ZNF208: variants seen among roughly 807,000 people sequenced by gnomAD.
ZNF208 encodes the protein zinc finger protein 208.
A neutral mutation model predicts 12.1 loss-of-function variants in ZNF208; 10 were observed. The ratio of observed to expected loss-of-function variants is 0.83; its 90% CI spans 0.51 to 1.40. The LOEUF (loss-of-function observed/expected upper bound fraction) is 1.40. Ranked by LOEUF, ZNF208 falls within the 40% of genes most tolerant of loss-of-function variation. The pLI is 0.00. For synonymous variants in ZNF208, 497 were observed against 488.4 expected (o/e 1.02, Z -0.23); for missense variants, 1,652 against 1,485.0 (o/e 1.11, Z -1.85).
chr19:21,995,517 T>A (rs755884998), intron 1 of ZNF208, among the ~76,000 whole-genome samples: 1 of 152,194 alleles, frequency 6.6e-6, no homozygotes, highest in Non-Finnish European at 1.5e-5. Flanking sequence ...CAGAGATTCA[T>A]AGGTAATTGT....
At chr19:22,006,479 A>G (rs1971045998) in intron 1 of ZNF208, among the ~76,000 whole-genome samples, 1 of 152,136 alleles carries the variant, frequency 6.6e-6, no homozygotes, top group Admixed American at 6.5e-5. Flanking sequence ...GTTTAGGGTT[A>G]GGTTTAGGGT....
At chr19:22,007,505 C>CAAAAAAAAAAAAAAAAAAAAA (rs58769307) in intron 1 of ZNF208, among the ~76,000 whole-genome samples, 1 of 62,556 alleles carries the variant, frequency 1.6e-5, no homozygotes, top group Non-Finnish European at 2.6e-5. Flanking sequence ...ACTCTGTCTC[C>CAAAAAAAAAAAAAAAAAAAAA]AAAAAAAAAA....
At chr19:21,949,063 G>A (rs1969855728) in intron 4 of ZNF208, among the ~76,000 whole-genome samples, 1 of 152,076 alleles carries the variant, frequency 6.6e-6, no homozygotes. Flanking sequence ...AAAATCCCCT[G>A]GCCTTTTTGA....
At position 21,988,872 on chromosome 19, in the gene ZNF208, G is replaced by A; in HGVS notation, c.41C>T (p.Ser14Phe). 3 of 1,614,114 alleles carry A rather than the reference G, an allele frequency of 1.9e-6. No homozygotes were observed. The highest frequency in any genetic ancestry group is 1.1e-5 in the South Asian group (1 of 91,078). ...GTCCAGGCATTGCCACTCCTCCAGAGAGAATTCTATGGCCACATCCCTAAA... is the reference window on the plus strand; with the variant it reads ...GTCCAGGCATTGCCACTCCTCCAGAAAGAATTCTATGGCCACATCCCTAAA... ...LTFRDVAIEF[S>F]LEEWQCLDTA... is the part of the protein sequence containing the mutation. Residue 14 changes from serine to phenylalanine, a missense_variant, in exon 2 of 4, where the codon TCT becomes TTT. Around this residue, in one of 3 missense-constraint regions of ZNF208, gnomAD observed 410 missense variants for 378.2 expected, o/e 1.08. Transcript: ENST00000397126.
Position 21,968,752 on chromosome 19 carries a change from T to TA in ZNF208, c.*2438dup, listed in dbSNP as rs1254699760. ...CCTTGATTTTTTCGAATGCATTCAGTAGGCTTAGGTAAAACTCTTTGCAAT... is the reference window on the plus strand; with the variant it reads ...CCTTGATTTTTTCGAATGCATTCAGTAAGGCTTAGGTAAAACTCTTTGCAAT... On this transcript the variant is annotated 3_prime_UTR_variant, in exon 4 of 4. Transcript: ENST00000397126. Among the ~76,000 whole-genome samples the TA allele has an allele frequency of 1.6e-5, 2 of 124,576 alleles. No homozygotes were observed. Among genetic ancestry groups the TA allele is most frequent in the African/African-American group, 6.7e-5 (2 of 29,974 alleles). 81.7% of individuals were successfully genotyped at this position (124,576 alleles called of 152,430 possible).
rs910632163 is a variant in ZNF208, at chr19:21,972,035, G to C, written c.2999C>G (p.Pro1000Arg). The change falls in exon 4 of 4, where the codon CCC becomes CGC. Residue 1000 changes from proline (P) to arginine (R), a missense_variant. This residue lies in a region of ZNF208 where 1,239 missense variants were observed against 1,086.2 expected (regional missense o/e 1.14). Transcript: ENST00000397126. ...KHKVIHTGEK[P>R]YKCEECGKAF... ...TTTGCCACATTCTTCACATTTGTAGGGTTTCTCTCCAGTATGAATTACCTT... is the reference window on the plus strand; with the variant it reads ...TTTGCCACATTCTTCACATTTGTAGCGTTTCTCTCCAGTATGAATTACCTT... The C allele has an allele frequency of 6.2e-7, 1 of 1,613,628 alleles. No homozygotes were observed. Among genetic ancestry groups the C allele is most frequent in the Non-Finnish European group, 8.5e-7 (1 of 1,179,910 alleles).
intron 1 of ZNF208, among the ~76,000 whole-genome samples, chr19:21,995,525 T>C (rs1368423557): frequency 2.0e-5 from 3 of 152,164 alleles, no homozygotes; most frequent in Non-Finnish European, 2.9e-5. Flanking sequence ...CATAGGTAAT[T>C]GTTAGACGGT....
At chr19:22,004,554 A>T (rs1299808423) in intron 1 of ZNF208, among the ~76,000 whole-genome samples, 17 of 152,148 alleles carry the variant, frequency 1.1e-4, no homozygotes, top group Non-Finnish European at 8.8e-5. Context: ...AACACCATGA[A>T]TTCATGAAAT....
chr19:21,953,933 T>A (rs939591645), intron 4 of ZNF208, among the ~76,000 whole-genome samples: 1 of 152,252 alleles, frequency 6.6e-6, no homozygotes, highest in Non-Finnish European at 1.5e-5. Context: ...TTGTAGCATG[T>A]CAATTTTAGA....
intron 3 of ZNF208, among the ~76,000 whole-genome samples, chr19:21,981,548 G>A (rs1970538888): frequency 7.2e-5 from 11 of 152,164 alleles, no homozygotes; most frequent in Admixed American, 7.2e-4. Flanking sequence ...AGGTATAGAT[G>A]GAACGTATCT....
chr19:21,977,882 T>C (rs1346685153), intron 3 of ZNF208, among the ~76,000 whole-genome samples: 3 of 152,118 alleles, frequency 2.0e-5, no homozygotes, highest in Non-Finnish European at 4.4e-5. Flanking sequence ...CCTGGGAAGC[T>C]CGAGCTTGGT....
intron 4 of ZNF208, chr19:21,941,103 C>G: frequency 2.8e-6 from 1 of 356,576 alleles, no homozygotes; most frequent in Non-Finnish European, 5.0e-6. Context: ...GTAAACCAGG[C>G]CTTGCTGACA....
intron 3 of ZNF208, among the ~76,000 whole-genome samples, chr19:21,975,046 G>GT (rs1467483561): frequency 1.3e-5 from 2 of 152,070 alleles, no homozygotes; most frequent in Non-Finnish European, 2.9e-5. Context: ...TGAATGCAGA[G>GT]TCACACAGAA....
At chr19:21,952,916 C>A (rs1969914504) in intron 4 of ZNF208, among the ~76,000 whole-genome samples, 1 of 151,964 alleles carries the variant, frequency 6.6e-6, no homozygotes, top group Admixed American at 6.6e-5. Context: ...AGCTAAAGAC[C>A]TTGAAAAAAG....
intron 1 of ZNF208, among the ~76,000 whole-genome samples, chr19:21,990,790 G>A (rs1306478944): frequency 6.6e-6 from 1 of 152,056 alleles, no homozygotes; most frequent in South Asian, 2.1e-4. Context: ...ATTGAGCAGT[G>A]GTTTGTAGTT....
At chr19:22,006,875 T>G (rs1191389092) in intron 1 of ZNF208, among the ~76,000 whole-genome samples, 1 of 152,188 alleles carries the variant, frequency 6.6e-6, no homozygotes, top group African/African-American at 2.4e-5. Context: ...TTATTTCTTT[T>G]GGACAATAAA....
chr19:22,010,719 C>T, intron 1 of ZNF208, 73 bp downstream of exon 1: 2 of 1,613,054 alleles, frequency 1.2e-6, no homozygotes, highest in Non-Finnish European at 1.7e-6. Context: ...GCCTGAGTCC[C>T]GCCACAGCCA....
chr19:21,954,063 T>A (rs574049942), intron 4 of ZNF208, among the ~76,000 whole-genome samples: 1 of 152,236 alleles, frequency 6.6e-6, no homozygotes, highest in Non-Finnish European at 1.5e-5. Context: ...TCAAAGAACA[T>A]CTTTATTTCT....
Position 21,972,037 on chromosome 19 carries a change from T to C in ZNF208, c.2997A>G (p.Lys999=). The C allele has an allele frequency of 2.5e-6, 4 of 1,613,838 alleles. No individual in the cohort carries two copies. Among genetic ancestry groups the C allele is most frequent in the Non-Finnish European group, 3.4e-6 (4 of 1,179,908 alleles). The part of the protein sequence containing the change: ...TKHKVIHTGE[K]PYKCEECGKA... ...TGCCACATTCTTCACATTTGTAGGG[T>C]TTCTCTCCAGTATGAATTACCTTAT... The change falls in exon 4 of 4, where the codon AAA becomes AAG. Residue 999 remains lysine, a synonymous_variant. Coordinates refer to ENST00000397126, the MANE Select transcript of ZNF208 (RefSeq NM_007153.3).
Sources: gnomAD v4.1 joint callset for allele counts (sites outside exome capture counted in the v4.1 genomes callset) on GRCh38, gnomAD v4.1.1 for gene constraint, gnomAD v4.1.1 regional missense constraint, MANE v1.5 for transcripts, NCBI Gene and HGNC (gene_info 2026-07-23, HGNC 2026-07-21) for gene names.